Variants in GRK2 observed in about 807,000 individuals in gnomAD.
GRK2 encodes the protein adrenergic beta receptor kinase 1.
In GRK2, 23 loss-of-function variants were observed where a neutral mutation model predicts 97.8. That is an observed-to-expected ratio of 0.24 (90% CI 0.17 to 0.33). GRK2 has a LOEUF of 0.33. Among genes scored for constraint, GRK2 ranks in the 10% least tolerant of loss-of-function variants. The probability of loss-of-function intolerance (pLI) is 1.00; values close to 1 mark genes in which losing one functional copy is unlikely to be tolerated. For missense variants in GRK2, 633 were observed against 956.9 expected (o/e 0.66, Z 4.47); for synonymous variants, 425 against 381.7 (o/e 1.11, Z -1.32).
At position 67,282,739 on chromosome 11, in the gene GRK2, CT is replaced by C. The variant is rs1860182011; in HGVS notation, c.1161-10del. The C allele has an allele frequency of 2.5e-6, 4 of 1,611,174 alleles. No individual in the cohort carries two copies. The South Asian group carries it at 3.3e-5, about 13-fold the overall frequency. ...CTGTCCTTTGACATTGGTTTTTGGC[CT>C]TTCTTGCCCAGGCACAGCCCCTTCC... On this transcript the variant is annotated splice_polypyrimidine_tract_variant and intron_variant, in intron 13 of 20. Transcript: ENST00000308595. The surrounding 1 kb of genome is among the most constrained non-coding windows in gnomAD (Gnocchi z 6.9).
In GRK2 at chr11:67,276,502, C is replaced by G. The variant is rs185700234; in HGVS notation, c.114-770C>G. ...CTCCCCTATGGCCATACCAAGCAACCCAGGGCAGGGGTCACATTTTATATC... is the reference window on the plus strand; with the variant it reads ...CTCCCCTATGGCCATACCAAGCAACGCAGGGCAGGGGTCACATTTTATATC... On this transcript the variant is annotated intron_variant, in intron 1 of 20. Transcript: ENST00000308595. This position sits in a 1 kb window ranked among gnomAD's most constrained non-coding sequence, Gnocchi z 4.2. 6.6e-6 allele frequency: 1 copy of G among 152,142 alleles called. No individual in the cohort carries two copies. Among genetic ancestry groups the G allele is most frequent in the Non-Finnish European group, 1.5e-5 (1 of 68,044 alleles). 9.4% of individuals were successfully genotyped at this position (152,142 alleles called of 1,614,324 possible). A position where few individuals can be genotyped will look rare whatever the true frequency, so the allele number is the denominator to read the frequency against.
intron 1 of GRK2, among the ~76,000 whole-genome samples, chr11:67,274,233 A>G (rs2136493168): frequency 6.6e-6 from 1 of 151,880 alleles, no homozygotes; most frequent in Admixed American, 6.5e-5. Flanking sequence ...GGCTGGTCTT[A>G]AACTCCTGAC....
At chr11:67,271,948 A>G (rs1037860911) in intron 1 of GRK2, among the ~76,000 whole-genome samples, 2 of 152,178 alleles carry the variant, frequency 1.3e-5, no homozygotes, top group Admixed American at 6.5e-5. Context: ...GCCCTGCTGC[A>G]CTGGTTGGTG....
chr11:67,266,724 G>C lies in GRK2; in HGVS notation c.25G>C (p.Ala9Pro). The change falls in exon 1 of 21, where the codon GCC (alanine) becomes CCC (proline). Residue 9 changes from alanine (A) to proline (P), a missense_variant. Coordinates refer to ENST00000308595, the MANE Select transcript of GRK2 (RefSeq NM_001619.5). MADLEAVL[A>P]DVSYLMAMEK... is the part of the protein sequence containing the mutation. ...GATGGCGGACCTGGAGGCGGTGCTG[G>C]CCGACGTGAGCTACCTGATGGCCAT... 7.5e-7 allele frequency: 1 copy of C among 1,326,326 alleles called. No individual in the cohort carries two copies. Among genetic ancestry groups the C allele is most frequent in the Non-Finnish European group, 9.7e-7 (1 of 1,026,416 alleles). The allele number at this position is 1,326,326 out of a possible 1,614,324, so 82.2% of individuals were successfully genotyped here.
chr11:67,285,067 C>T lies in GRK2; in HGVS notation c.1792-8C>T. Reference sequence around the variant, plus strand: ...TCTTACCTGCACCACCCATCCCTGGCCCTGCAGCAGAGCCTGCTGACCATG... The same window carrying T: ...TCTTACCTGCACCACCCATCCCTGGTCCTGCAGCAGAGCCTGCTGACCATG... On this transcript the variant is annotated splice_region_variant and splice_polypyrimidine_tract_variant and intron_variant, in intron 19 of 20. Coordinates refer to ENST00000308595, the MANE Select transcript of GRK2 (RefSeq NM_001619.5). The T allele has an allele frequency of 1.2e-6, 2 of 1,612,998 alleles. No individual in the cohort carries two copies. The highest frequency in any genetic ancestry group is 1.7e-6 in the Non-Finnish European group (2 of 1,179,834).
chr11:67,286,150 C>A lies in GRK2; in HGVS notation c.*700C>A. On this transcript the variant is annotated 3_prime_UTR_variant, in exon 21 of 21. Coordinates refer to ENST00000308595, the MANE Select transcript of GRK2 (RefSeq NM_001619.5). ...CTCAGGGACCACAGCAAGGCACCTGCAGGTTGGGCCATACTGGCCTCGCCT... is the reference window on the plus strand; with the variant it reads ...CTCAGGGACCACAGCAAGGCACCTGAAGGTTGGGCCATACTGGCCTCGCCT... 1 of 488,136 alleles carries A rather than the reference C, an allele frequency of 2.0e-6. No individual in the cohort carries two copies. The highest frequency in any genetic ancestry group is 3.6e-6 in the Non-Finnish European group (1 of 277,118). 30.2% of individuals were successfully genotyped at this position (488,136 alleles called of 1,614,324 possible).
chr11:67,280,057 C>CA (rs1860116866), intron 6 of GRK2, 157 bp downstream of exon 6: 13 of 710,156 alleles, frequency 1.8e-5, no homozygotes, highest in Non-Finnish European at 2.9e-5. Flanking sequence ...CCTGAGAAGT[C>CA]AGACAGGCTG....
At position 67,282,845 on chromosome 11, in the gene GRK2, G is replaced by T. The variant is rs373717461; in HGVS notation, c.1227+27G>T. 1.9e-6 allele frequency: 3 copies of T among 1,593,798 alleles called. No homozygotes were observed. Among genetic ancestry groups the T allele is most frequent in the Non-Finnish European group, 2.6e-6 (3 of 1,173,070 alleles). On this transcript the variant is annotated intron_variant, in intron 14 of 20. Transcript: ENST00000308595. The surrounding 1 kb of genome is among the most constrained non-coding windows in gnomAD (Gnocchi z 6.9). Reference sequence around the variant, plus strand: ...TGGGTGCAGGTCTCAGTGCAGGGCCGCAGGGGGCTGGGGGGAGCTCCTGTG... The same window carrying T: ...TGGGTGCAGGTCTCAGTGCAGGGCCTCAGGGGGCTGGGGGGAGCTCCTGTG...
intron 1 of GRK2, among the ~76,000 whole-genome samples, chr11:67,275,374 C>T (rs1218922111): frequency 6.6e-6 from 1 of 152,238 alleles, no homozygotes; most frequent in Non-Finnish European, 1.5e-5. Flanking sequence ...GCTGAAGCTG[C>T]CATTCTTCCA....
intron 18 of GRK2, chr11:67,284,645 CG>C: frequency 2.6e-6 from 2 of 769,256 alleles, no homozygotes. Context: ...AAAAATTAGC[CG>C]GGCATGGTGG....
rs757526708 is a variant in GRK2 at position 67,282,423 on chromosome 11, T to G, written c.1053-12T>G. 3.6e-6 allele frequency: 5 copies of G among 1,401,080 alleles called. No homozygotes were observed. In the South Asian group the frequency reaches 5.7e-5, roughly 16 times the overall value. 86.8% of individuals were successfully genotyped at this position (1,401,080 alleles called of 1,614,324 possible). On this transcript the variant is annotated splice_polypyrimidine_tract_variant and intron_variant, in intron 12 of 20. Transcript: ENST00000308595. This position sits in a 1 kb window ranked among gnomAD's most constrained non-coding sequence, Gnocchi z 6.9. ...CTTGCCACTCCCGCTTATGGCCCCC[T>G]TGCTCCCACAGGGGCACCCACGGGT...
rs140667699 is a variant in GRK2, at chr11:67,281,218, G to T, written c.647+34G>T. The T allele has an allele frequency of 3.2e-6, 5 of 1,578,204 alleles. No homozygotes were observed. The highest frequency in any genetic ancestry group is 2.2e-5 in the South Asian group (2 of 89,058). On this transcript the variant is annotated intron_variant, in intron 8 of 20. Transcript: ENST00000308595. This position sits in a 1 kb window ranked among gnomAD's most constrained non-coding sequence, Gnocchi z 5.7. Reference sequence around the variant, plus strand: ...CCTGCTCGGCGCGGTGGGATACCTCGGGGAGCCGGGCTCCTGGGGGACCCT... The same window carrying T: ...CCTGCTCGGCGCGGTGGGATACCTCTGGGAGCCGGGCTCCTGGGGGACCCT...
Position 67,269,212 on chromosome 11 carries a change from C to T in GRK2, c.113+2400C>T, listed in dbSNP as rs1177924953. Reference sequence around the variant, plus strand: ...GCCCCCCGCCGCCCCAGTGGTGATCCTGACCATGTTTCATGTTTGCCTGAC... The same window carrying T: ...GCCCCCCGCCGCCCCAGTGGTGATCTTGACCATGTTTCATGTTTGCCTGAC... On this transcript the variant is annotated intron_variant, in intron 1 of 20. Transcript: ENST00000308595. This position sits in a 1 kb window ranked among gnomAD's most constrained non-coding sequence, Gnocchi z 4.1. Among the ~76,000 whole-genome samples, 1 of 152,104 alleles carries T rather than the reference C, an allele frequency of 6.6e-6. No individual in the cohort carries two copies. Among genetic ancestry groups the T allele is most frequent in the African/African-American group, 2.4e-5 (1 of 41,416 alleles).
intron 2 of GRK2, among the ~76,000 whole-genome samples, chr11:67,277,644 C>T (rs983168174): frequency 1.4e-4 from 21 of 152,348 alleles, no homozygotes; most frequent in Non-Finnish European, 2.1e-4. Flanking sequence ...CCCCTTGGCG[C>T]GGCCGCAGCT....
chr11:67,282,709 C>T lies in GRK2; in HGVS notation c.1161-43C>T. On this transcript the variant is annotated intron_variant, in intron 13 of 20. Transcript: ENST00000308595. This position sits in a 1 kb window ranked among gnomAD's most constrained non-coding sequence, Gnocchi z 6.9. ...TCCATGCTGCCTGCCTCCCTTTCCC[C>T]ATTCCTGTCCTTTGACATTGGTTTT... is the stretch of plus-strand genomic sequence containing the variant. 1 of 1,606,008 alleles carries T rather than the reference C, an allele frequency of 6.2e-7. No individual in the cohort carries two copies. Among genetic ancestry groups the T allele is most frequent in the Non-Finnish European group, 8.5e-7 (1 of 1,176,292 alleles).
Position 67,282,684 on chromosome 11 carries a change from T to C in GRK2, c.1161-68T>C, listed in dbSNP as rs1860180481. 6.3e-7 allele frequency: 1 copy of C among 1,592,642 alleles called. No homozygotes were observed. Among genetic ancestry groups the C allele is most frequent in the Non-Finnish European group, 8.6e-7 (1 of 1,167,180 alleles). Reference sequence around the variant, plus strand: ...CGTCCCTGACTTTGGCCACAGCTCATCCATGCTGCCTGCCTCCCTTTCCCC... The same window carrying C: ...CGTCCCTGACTTTGGCCACAGCTCACCCATGCTGCCTGCCTCCCTTTCCCC... On this transcript the variant is annotated intron_variant, in intron 13 of 20. Coordinates refer to ENST00000308595, the MANE Select transcript of GRK2 (RefSeq NM_001619.5). The surrounding 1 kb of genome is among the most constrained non-coding windows in gnomAD (Gnocchi z 6.9).
At position 67,266,781 on chromosome 11, in the gene GRK2, G is replaced by T. The variant is rs910121977; in HGVS notation, c.82G>T (p.Ala28Ser). The change falls in exon 1 of 21, where the codon GCC becomes TCC. Residue 28 changes from alanine to serine, a missense_variant. This residue lies in a region of GRK2 where 193 missense variants were observed against 212.2 expected (regional missense o/e 0.91). Transcript: ENST00000308595. ...GAGCAAGGCCACGCCGGCCGCGCGC[G>T]CCAGCAAGAAGATCCTGCTGCCCGA... is the stretch of plus-strand genomic sequence containing the variant. Reference protein sequence around the residue: ...EKSKATPAARASKKILLPEPS... With the variant: ...EKSKATPAARSSKKILLPEPS... 2 of 1,363,960 alleles carry T rather than the reference G, an allele frequency of 1.5e-6. No individual in the cohort carries two copies. Among genetic ancestry groups the T allele is most frequent in the South Asian group, 1.8e-5 (1 of 57,016 alleles). The allele number at this position is 1,363,960 out of a possible 1,614,324, so 84.5% of individuals were successfully genotyped here.
At chr11:67,273,702 T>C (rs1224899005) in intron 1 of GRK2, among the ~76,000 whole-genome samples, 2 of 152,262 alleles carry the variant, frequency 1.3e-5, no homozygotes, top group Admixed American at 6.5e-5. Flanking sequence ...TTAAAAAACA[T>C]TTTTTTCTTT....
At chr11:67,277,713 C>T (rs574965010) in intron 2 of GRK2, among the ~76,000 whole-genome samples, 20 of 152,364 alleles carry the variant, frequency 1.3e-4, no homozygotes, top group Admixed American at 9.1e-4. Flanking sequence ...TGGCGCCTGC[C>T]GAGCTGTGGT....
Sources: gnomAD v4.1 joint callset for allele counts (sites outside exome capture counted in the v4.1 genomes callset) on GRCh38, gnomAD v4.1.1 for gene constraint, gnomAD v4.1.1 regional missense constraint, Gnocchi (gnomAD v3.1) non-coding constraint, MANE v1.5 for transcripts, NCBI Gene and HGNC (gene_info 2026-07-23, HGNC 2026-07-21) for gene names.